AMMECR1: variants seen among roughly 807,000 people sequenced by gnomAD.
AMMECR1 encodes AMMECR nuclear protein 1.
AMMECR1 carries 3 observed loss-of-function variants against 22.5 expected under a neutral mutation model. The observed-to-expected ratio is 0.13, with a 90% confidence interval of 0.06 to 0.35. The LOEUF (loss-of-function observed/expected upper bound fraction) is 0.35, where lower values mean the gene tolerates loss of function less well. Among genes scored for constraint, AMMECR1 ranks in the 10% least tolerant of loss-of-function variants. The pLI is 1.00. For synonymous variants in AMMECR1, 130 were observed against 116.7 expected (o/e 1.11, Z -0.74); for missense variants, 235 against 278.7 (o/e 0.84, Z 1.12).
intron 2 of AMMECR1, among the ~76,000 whole-genome samples, chrX:110,407,256 T>A (rs2068609251): frequency 8.9e-6 from 1 of 112,233 alleles, no homozygotes; most frequent in South Asian, 3.7e-4. Context: ...TAAAAATACA[T>A]TCTCAATGGC....
chrX:110,384,783 A>G (rs1048995932), intron 2 of AMMECR1, among the ~76,000 whole-genome samples: 5 of 111,125 alleles, frequency 4.5e-5, no homozygotes, highest in African/African-American at 1.6e-4. Context: ...CTCATTGGAC[A>G]TAGTATCTTT....
chrX:110,399,959 A>G (rs747979516), intron 2 of AMMECR1, among the ~76,000 whole-genome samples: 25 of 111,751 alleles, frequency 2.2e-4, no homozygotes, highest in African/African-American at 8.1e-4. Flanking sequence ...AAAGAAATTG[A>G]CAGGGATCAC....
At chrX:110,289,371 C>T (rs996676209) in intron 1 of AMMECR1, among the ~76,000 whole-genome samples, 5 of 111,408 alleles carry the variant, frequency 4.5e-5, no homozygotes, top group Non-Finnish European at 9.4e-5. Flanking sequence ...ACATTAGGAT[C>T]CCCCACAGAA....
At chrX:110,307,241 G>A (rs1329559227) in intron 1 of AMMECR1, 21 of 92,559 alleles carry the variant, frequency 2.3e-4, no homozygotes, top group African/African-American at 8.8e-4. Flanking sequence ...GCAAGATTCT[G>A]TCTCCAAAAA....
intron 2 of AMMECR1, among the ~76,000 whole-genome samples, chrX:110,236,058 A>G (rs1350685029): frequency 8.9e-6 from 1 of 112,300 alleles, no homozygotes; most frequent in Non-Finnish European, 1.9e-5. Flanking sequence ...GATAAAATCT[A>G]TGCAATTTAA....
chrX:110,360,273 C>A (rs2068254798), intron 2 of AMMECR1, among the ~76,000 whole-genome samples: 1 of 111,723 alleles, frequency 9.0e-6, no homozygotes, highest in Non-Finnish European at 1.9e-5. Flanking sequence ...TAGTAGATAC[C>A]ATTGGAAAGA....
At chrX:110,277,767 A>C (rs1404165991) in intron 1 of AMMECR1, among the ~76,000 whole-genome samples, 2 of 111,644 alleles carry the variant, frequency 1.8e-5, no homozygotes, top group East Asian at 2.8e-4. Context: ...CAAAGTAATG[A>C]AATTTAAAAG....
intron 3 of AMMECR1, among the ~76,000 whole-genome samples, chrX:110,214,418 G>A (rs1281840062): frequency 1.8e-5 from 2 of 111,681 alleles, no homozygotes; most frequent in Non-Finnish European, 3.8e-5. Flanking sequence ...TGACCAAAGA[G>A]GATAAATATG....
At position 110,318,063 on chromosome X, in the gene AMMECR1, C is replaced by A; in HGVS notation, c.9G>T (p.Ala3=). 1 of 1,199,109 alleles carries A rather than the reference C, an allele frequency of 8.3e-7. No individual in the cohort carries two copies. The highest frequency in any genetic ancestry group is 1.1e-6 in the Non-Finnish European group (1 of 890,104). ...TCTGCTTCTTCACCCCGCAGCAACC[C>A]GCCGCCATCTTGGAACAGTCTCCCC... The part of the protein sequence containing the change: MA[A]GCCGVKKQKL... The change falls in exon 1 of 6, where the codon GCG becomes GCT. Residue 3 remains alanine (A), a synonymous_variant. Coordinates refer to ENST00000262844, the MANE Select transcript of AMMECR1 (RefSeq NM_015365.3).
chrX:110,272,132 C>T (rs892039853), intron 1 of AMMECR1, among the ~76,000 whole-genome samples: 11 of 110,127 alleles, frequency 1.0e-4, no homozygotes, highest in Non-Finnish European at 2.1e-4. Flanking sequence ...AGGAGAATGG[C>T]GTGAACCCAG....
chrX:110,211,484 G>A (rs961937871), intron 3 of AMMECR1, among the ~76,000 whole-genome samples: 2 of 111,893 alleles, frequency 1.8e-5, no homozygotes, highest in Non-Finnish European at 3.8e-5. Context: ...ACAAGTTCCA[G>A]GCTATGTCAT....
At chrX:110,349,334 A>G (rs2068202610) in intron 2 of AMMECR1, among the ~76,000 whole-genome samples, 1 of 111,769 alleles carries the variant, frequency 8.9e-6, no homozygotes, top group Admixed American at 9.5e-5. Context: ...TGAGAAGTCC[A>G]AGATTGAGAT....
intron 2 of AMMECR1, among the ~76,000 whole-genome samples, chrX:110,338,165 A>G (rs1289325646): frequency 8.9e-6 from 1 of 112,258 alleles, no homozygotes; most frequent in African/African-American, 3.2e-5. Context: ...GTTTAACATG[A>G]TGATGTGTTT....
intron 2 of AMMECR1, among the ~76,000 whole-genome samples, chrX:110,324,843 A>G (rs938048133): frequency 1.8e-5 from 2 of 109,277 alleles, no homozygotes; most frequent in African/African-American, 6.6e-5. Flanking sequence ...GATGAATCCC[A>G]CTTCATCATG....
intron 2 of AMMECR1, among the ~76,000 whole-genome samples, chrX:110,336,620 CAGG>C (rs2068142749): frequency 9.0e-6 from 1 of 110,743 alleles, no homozygotes; most frequent in Non-Finnish European, 1.9e-5. Context: ...GAGGCTGAGG[CAGG>C]AGAATTGCTT....
At chrX:110,218,631 A>G (rs2148172153) in intron 2 of AMMECR1, among the ~76,000 whole-genome samples, 1 of 108,080 alleles carries the variant, frequency 9.3e-6, no homozygotes, top group Middle Eastern at 5.0e-3. Flanking sequence ...TTTTTAATCC[A>G]TAACACTTTT....
chrX:110,396,242 A>G lies in AMMECR1; in HGVS notation c.-148+30416T>C, dbSNP rs775492541. Among the ~76,000 whole-genome samples, 11 of 111,160 alleles carry G rather than the reference A, an allele frequency of 9.9e-5. No homozygotes were observed. The South Asian group carries it at 3.5e-3, about 35-fold the overall frequency. On this transcript the variant is annotated intron_variant, in intron 2 of 7. Coordinates refer to the AMMECR1 transcript ENST00000372057. ...GAAAAAAATTATTATGGAAATTTTC[A>G]AACACATACACAAAAGTAAAAAATA...
intron 2 of AMMECR1, among the ~76,000 whole-genome samples, chrX:110,388,418 A>G (rs1433120392): frequency 9.0e-6 from 1 of 111,718 alleles, no homozygotes; most frequent in African/African-American, 3.3e-5. Context: ...CAGCTTTGCA[A>G]TGAGTTTGTG....
chrX:110,393,571 A>C (rs1297481080), intron 2 of AMMECR1, among the ~76,000 whole-genome samples: 1 of 111,781 alleles, frequency 8.9e-6, no homozygotes, highest in African/African-American at 3.2e-5. Flanking sequence ...CCATATCATC[A>C]TCCCACTGGT....
Sources: gnomAD v4.1 joint callset for allele counts (sites outside exome capture counted in the v4.1 genomes callset) on GRCh38, gnomAD v4.1.1 for gene constraint, MANE v1.5 for transcripts, NCBI Gene and HGNC (gene_info 2026-07-23, HGNC 2026-07-21) for gene names.